POM121C: variants seen among roughly 807,000 people sequenced by gnomAD.
The protein encoded by POM121C is POM121 transmembrane nucleoporin C.
Under a neutral mutation model 66.4 loss-of-function variants are expected in POM121C, and 20 were observed. The observed-to-expected ratio is 0.30, with a 90% confidence interval of 0.21 to 0.44. The LOEUF (loss-of-function observed/expected upper bound fraction) is 0.44. POM121C is among the 20% of genes least tolerant of loss of function. The pLI, the probability that POM121C is intolerant of heterozygous loss-of-function variation, is 1.00. For synonymous variants in POM121C, 286 were observed against 528.0 expected, an observed-to-expected ratio of 0.54 and a Z score of 6.28; for missense variants, 580 against 1,225.7, an observed-to-expected ratio of 0.47 and a Z score of 7.87.
chr7:75,469,727 ACT>A (rs1227927821), intron 3 of POM121C, among the ~76,000 whole-genome samples: 1 of 152,110 alleles, frequency 6.6e-6, no homozygotes, highest in African/African-American at 2.4e-5. Context: ...CCTTTGCTGA[ACT>A]TCGCTCCAGC....
chr7:75,463,469 T>C (rs1371225247), intron 3 of POM121C, among the ~76,000 whole-genome samples: 1 of 150,400 alleles, frequency 6.6e-6, no homozygotes, highest in South Asian at 2.1e-4. Context: ...TTTTTTTTTT[T>C]ACCTTTGGCA....
At chr7:75,421,235 CAA>C in intron 13 of POM121C, 1 of 1,021,982 alleles carries the variant, frequency 9.8e-7, no homozygotes, top group Admixed American at 3.2e-5. Context: ...CTTGGCCTCC[CAA>C]AATATTGGGA....
chr7:75,471,436 A>C (rs1183814381), intron 3 of POM121C, among the ~76,000 whole-genome samples: 2 of 151,860 alleles, frequency 1.3e-5, no homozygotes, highest in East Asian at 3.9e-4. Context: ...GACCTCAGGT[A>C]ATCCACCTGC....
chr7:75,418,576 C>T lies in POM121C; in HGVS notation c.*220G>A, dbSNP rs1789566778. 7.4e-7 allele frequency: 1 copy of T among 1,351,714 alleles called. No individual in the cohort carries two copies. Among genetic ancestry groups the T allele is most frequent in the Admixed American group, 3.3e-5 (1 of 30,740 alleles). 83.7% of individuals were successfully genotyped at this position (1,351,714 alleles called of 1,614,324 possible). A position where few individuals can be genotyped will look rare whatever the true frequency, so the allele number is the denominator to read the frequency against. On this transcript the variant is annotated 3_prime_UTR_variant, in exon 15 of 15. Coordinates refer to ENST00000615331, the MANE Select transcript of POM121C (RefSeq NM_001099415.3). ...CAGTGGAACTGTTCAAGTAGAGGTC[C>T]CGGGCTTTGGCCCTCCGCATCCTGC...
chr7:75,430,637 A>T (rs1790130204), intron 7 of POM121C, among the ~76,000 whole-genome samples: 1 of 152,196 alleles, frequency 6.6e-6, no homozygotes, highest in Non-Finnish European at 1.5e-5. Flanking sequence ...AAGATTTCCT[A>T]AATACTACAC....
intron 3 of POM121C, 102 bp from the exon 4 acceptor site, chr7:75,441,749 A>G: frequency 2.6e-6 from 3 of 1,165,738 alleles, no homozygotes; most frequent in Non-Finnish European, 3.6e-6. Flanking sequence ...CAAAGAACTT[A>G]AATCTCTTTC....
intron 10 of POM121C, chr7:75,424,842 C>G (rs1789874004): frequency 2.7e-6 from 3 of 1,122,764 alleles, no homozygotes; most frequent in Non-Finnish European, 3.8e-6. Context: ...CGCCTGTAAT[C>G]CCAGCTACTT....
chr7:75,437,534 G>A lies in POM121C; in HGVS notation c.461C>T (p.Ser154Phe). ...SRNAITSSYS[S>F]TRGISQLWKR... ...TTGTACCTGTGAGATGCCTCGAGTG[G>A]AGCTGTAGGAACTGGTAATGGCATT... Residue 154 changes from serine (S) to phenylalanine (F), a missense_variant, in exon 7 of 15, where the codon TCC becomes TTC. Ser to Phe is a radical substitution (Grantham distance 155, BLOSUM62 -2). Coordinates refer to ENST00000615331, the MANE Select transcript of POM121C (RefSeq NM_001099415.3). 2.5e-6 allele frequency: 4 copies of A among 1,613,498 alleles called. No homozygotes were observed. The highest frequency in any genetic ancestry group is 2.5e-6 in the Non-Finnish European group (3 of 1,179,636).
At chr7:75,442,674 G>C (rs1454111004) in intron 3 of POM121C, 2 of 1,437,252 alleles carry the variant, frequency 1.4e-6, no homozygotes, top group South Asian at 2.8e-5. Context: ...CTCGCTATCG[G>C]CCGCCGCCGC....
chr7:75,419,242 A>C, intron 14 of POM121C, 78 bp downstream of exon 14: 1 of 1,511,874 alleles, frequency 6.6e-7, no homozygotes, highest in Non-Finnish European at 8.8e-7. Flanking sequence ...ACGGGGCCTC[A>C]GAGGGCCAGG....
intron 3 of POM121C, among the ~76,000 whole-genome samples, chr7:75,460,954 C>A (rs1362743188): frequency 6.6e-6 from 1 of 152,102 alleles, no homozygotes; most frequent in African/African-American, 2.4e-5. Flanking sequence ...CTCCTCTGCC[C>A]CACCCCATTT....
chr7:75,420,139 T>C (rs1341896249), intron 13 of POM121C: 1 of 152,242 alleles, frequency 6.6e-6, no homozygotes, highest in Non-Finnish European at 1.5e-5. Context: ...GCTCACTGGC[T>C]TCCTCCCCAT....
chr7:75,465,616 G>A (rs1284424176), intron 3 of POM121C, among the ~76,000 whole-genome samples: 1 of 151,576 alleles, frequency 6.6e-6, no homozygotes, highest in African/African-American at 2.4e-5. Flanking sequence ...AGCCGGGCAT[G>A]GTGGCAGGCA....
At chr7:75,441,794 T>C in intron 3 of POM121C, 147 bp from the exon 4 acceptor site, 1 of 734,894 alleles carries the variant, frequency 1.4e-6, no homozygotes, top group Non-Finnish European at 2.2e-6. Flanking sequence ...TTATGGCAAC[T>C]TTCCCCTATT....
intron 3 of POM121C, among the ~76,000 whole-genome samples, chr7:75,471,401 T>C (rs587654935): frequency 1.3e-5 from 2 of 151,758 alleles, no homozygotes; most frequent in East Asian, 3.9e-4. Context: ...TAGAGACGGG[T>C]TGGCCAGGGT....
At chr7:75,458,016 ATCAG>A (rs1471026143) in intron 3 of POM121C, among the ~76,000 whole-genome samples, 18 of 152,298 alleles carry the variant, frequency 1.2e-4, no homozygotes, top group Admixed American at 1.0e-3. Context: ...CGCATTGAAA[ATCAG>A]TCAGATTTAC....
chr7:75,483,864 G>A (rs1411897942), intron 1 of POM121C, among the ~76,000 whole-genome samples: 1 of 152,066 alleles, frequency 6.6e-6, no homozygotes, highest in Non-Finnish European at 1.5e-5. Context: ...ACTTTGGGAG[G>A]CTGAGGCGGG....
In POM121C at chr7:75,474,792, A is replaced by G. The variant is rs782704586; in HGVS notation, c.-240T>C. 23 of 1,309,034 alleles carry G rather than the reference A, an allele frequency of 1.8e-5. No individual in the cohort carries two copies. The highest frequency in any genetic ancestry group is 2.3e-5 in the East Asian group (1 of 43,134). The allele number at this position is 1,309,034 out of a possible 1,614,324, so 81.1% of individuals were successfully genotyped here. On this transcript the variant is annotated 5_prime_UTR_variant, in exon 3 of 15. Transcript: ENST00000615331. The stretch of plus-strand genomic sequence containing the variant: ...TAATGATGACGTTTGGCTTGGTGAT[A>G]TCATATCTTGTTAATGGGAAAAGAA...
At chr7:75,482,401 A>G (rs1448280786) in intron 1 of POM121C, among the ~76,000 whole-genome samples, 1 of 152,164 alleles carries the variant, frequency 6.6e-6, no homozygotes, top group Non-Finnish European at 1.5e-5. Flanking sequence ...TACAGTGAGA[A>G]TACATTTCTA....
Sources: gnomAD v4.1 joint callset for allele counts (sites outside exome capture counted in the v4.1 genomes callset) on GRCh38, gnomAD v4.1.1 for gene constraint, MANE v1.5 for transcripts, NCBI Gene and HGNC (gene_info 2026-07-23, HGNC 2026-07-21) for gene names.